The following SRGAP3 variants were observed in gnomAD, a reference collection of about 807,000 sequenced individuals.
SRGAP3 encodes SLIT-ROBO Rho GTPase-activating protein 3.
In SRGAP3, 39 loss-of-function variants were observed where a neutral mutation model predicts 121.1. The observed-to-expected ratio is 0.32, with a 90% confidence interval of 0.25 to 0.42. The LOEUF is 0.42. SRGAP3 is among the 10% of genes least tolerant of loss of function. The probability of loss-of-function intolerance (pLI) is 1.00; values close to 1 mark genes in which losing one functional copy is unlikely to be tolerated. For missense variants in SRGAP3, 1,213 were observed against 1,470.6 expected (o/e 0.82, Z 2.86); for synonymous variants, 601 against 570.0 (o/e 1.05, Z -0.77).
rs566089149 is a variant in SRGAP3, at chr3:8,990,680, G to A, written c.2718C>T (p.Ile906=). 19 of 1,613,558 alleles carry A rather than the reference G, an allele frequency of 1.2e-5. No homozygotes were observed. Among genetic ancestry groups the A allele is most frequent in the African/African-American group, 6.7e-5 (5 of 75,052 alleles). The part of the protein sequence containing the change: ...PHKIPLTRGR[I]ESPEKRRMAT... Reference sequence around the variant, plus strand: ...CCATCCTCCGCTTCTCAGGGCTCTCGATCCTCCCCCGGGTGAGGGGGATTT... The same window carrying A: ...CCATCCTCCGCTTCTCAGGGCTCTCAATCCTCCCCCGGGTGAGGGGGATTT... Residue 906 remains isoleucine (I), a synonymous_variant, in exon 21 of 22, where the codon ATC becomes ATT. Transcript: ENST00000383836.
chr3:9,303,521 A>G (rs1466896191), intron 3 of SRGAP3, among the ~76,000 whole-genome samples: 4 of 152,176 alleles, frequency 2.6e-5, no homozygotes, highest in Non-Finnish European at 5.9e-5. Context: ...CTACACCTAT[A>G]TAGAGATCTC....
At chr3:9,258,608 C>T (rs1016677771) in intron 3 of SRGAP3, among the ~76,000 whole-genome samples, 21 of 152,286 alleles carry the variant, frequency 1.4e-4, no homozygotes, top group Middle Eastern at 3.4e-3. Flanking sequence ...GATGATGCCA[C>T]GTACCATCAT....
chr3:9,341,667 G>C (rs1384745530), intron 1 of SRGAP3, among the ~76,000 whole-genome samples: 1 of 152,122 alleles, frequency 6.6e-6, no homozygotes. Context: ...TTGTTTGTTT[G>C]TTTGTTTGCG....
At chr3:9,303,966 G>A (rs1310873299) in intron 3 of SRGAP3, among the ~76,000 whole-genome samples, 1 of 152,172 alleles carries the variant, frequency 6.6e-6, no homozygotes, top group Non-Finnish European at 1.5e-5. Context: ...CTCCTGAACT[G>A]AGTGTACAAC....
intron 1 of SRGAP3, among the ~76,000 whole-genome samples, chr3:9,345,802 AAAG>A (rs1161148851): frequency 6.6e-6 from 1 of 151,082 alleles, no homozygotes; most frequent in Non-Finnish European, 1.5e-5. Flanking sequence ...AAAAAAAAAA[AAAG>A]AAAAGAAAAA....
At chr3:9,075,250 G>A (rs1238909427) in intron 4 of SRGAP3, among the ~76,000 whole-genome samples, 1 of 152,162 alleles carries the variant, frequency 6.6e-6, no homozygotes, top group African/African-American at 2.4e-5. Flanking sequence ...GAGTTCGAGG[G>A]AAAAGAAGTG....
chr3:8,990,923 C>T, intron 20 of SRGAP3, 84 bp from the exon 21 acceptor site: 1 of 1,206,712 alleles, frequency 8.3e-7, no homozygotes. Context: ...CCCCATGCCA[C>T]ACACTACACG....
At position 9,100,264 on chromosome 3, in the gene SRGAP3, G is replaced by A. The variant is rs573458962; in HGVS notation, c.423+4416C>T. ...ACCCACTGGCTCTTACCTTTCTCCAGACCCTGAACTCCCAACCTCCTTTCC... is the reference window on the plus strand; with the variant it reads ...ACCCACTGGCTCTTACCTTTCTCCAAACCCTGAACTCCCAACCTCCTTTCC... On this transcript the variant is annotated intron_variant, in intron 3 of 21. Coordinates refer to ENST00000383836, the MANE Select transcript of SRGAP3 (RefSeq NM_014850.4). 3.9e-5 allele frequency among the ~76,000 whole-genome samples: 6 copies of A among 152,214 alleles called. No homozygotes were observed. The East Asian group carries it at 1.2e-3, about 29-fold the overall frequency.
At chr3:9,204,972 T>C (rs540980748) in intron 1 of SRGAP3, among the ~76,000 whole-genome samples, 18 of 152,366 alleles carry the variant, frequency 1.2e-4, no homozygotes, top group Admixed American at 1.2e-3. Flanking sequence ...TAAGCTTCCA[T>C]GGGCCATAAA....
intron 15 of SRGAP3, 66 bp from the exon 16 acceptor site, chr3:9,013,908 T>A: frequency 6.8e-7 from 1 of 1,464,574 alleles, no homozygotes; most frequent in South Asian, 1.1e-5. Context: ...AAACATTCGC[T>A]CGCCACATCT....
Position 9,013,400 on chromosome 3 carries a change from G to A in SRGAP3, c.2055C>T (p.Thr685=), listed in dbSNP as rs775890278. Residue 685 remains threonine, a synonymous_variant, in exon 17 of 22, where the codon ACC becomes ACT. Transcript: ENST00000383836. ...AGATGGCTTCATGATGGATGATGAT[G>A]GTTTTGATGACTTCATTGATGTGTG... The part of the protein sequence containing the change: ...CQAHINEVIK[T]IIIHHEAIFP... 11 of 1,614,122 alleles carry A rather than the reference G, an allele frequency of 6.8e-6. No homozygotes were observed. The highest frequency in any genetic ancestry group is 9.3e-6 in the Non-Finnish European group (11 of 1,180,022).
intron 1 of SRGAP3, among the ~76,000 whole-genome samples, chr3:9,336,770 T>A (rs1220575146): frequency 6.6e-6 from 1 of 152,142 alleles, no homozygotes; most frequent in African/African-American, 2.4e-5. Context: ...AGTCTTACTT[T>A]AAACAGCCTT....
At chr3:9,155,440 A>T (rs1560288182) in intron 1 of SRGAP3, among the ~76,000 whole-genome samples, 1 of 152,164 alleles carries the variant, frequency 6.6e-6, no homozygotes, top group Non-Finnish European at 1.5e-5. Context: ...TTCTTCAATT[A>T]TGGGAAAATC....
intron 1 of SRGAP3, among the ~76,000 whole-genome samples, chr3:9,181,704 G>C (rs762364578): frequency 1.3e-5 from 2 of 152,144 alleles, no homozygotes; most frequent in African/African-American, 4.8e-5. Context: ...CGCTCTTCTG[G>C]CTCCAGCCAG....
At position 8,981,694 on chromosome 3, in the gene SRGAP3, C is replaced by T. The variant is rs1478904459; in HGVS notation, c.*3825G>A. The T allele has an allele frequency of 1.3e-5, 3 of 231,118 alleles. No individual in the cohort carries two copies. Among genetic ancestry groups the T allele is most frequent in the African/African-American group, 2.2e-5 (1 of 45,184 alleles). 14.3% of individuals were successfully genotyped at this position (231,118 alleles called of 1,614,324 possible). On this transcript the variant is annotated 3_prime_UTR_variant, in exon 22 of 22. Transcript: ENST00000383836. ...TGGTTCCTCTTTGTGTACCACAAACCGGTTTTAAATGTTTATAAGGCAGAT... is the reference window on the plus strand; with the variant it reads ...TGGTTCCTCTTTGTGTACCACAAACTGGTTTTAAATGTTTATAAGGCAGAT...
In SRGAP3 at chr3:8,992,920, C is replaced by T. The variant is rs142852915; in HGVS notation, c.2544G>A (p.Gly848=). Residue 848 remains glycine (G), a synonymous_variant, in exon 20 of 22, where the codon GGG becomes GGA. Transcript: ENST00000383836. ...PTEHISDYGF[G]GVMGRVRLRS... ...GCATATCCTACCGGCCCATCACCCC[C>T]CCAAAGCCGTAATCCGAGATGTGCT... 5 of 1,614,224 alleles carry T rather than the reference C, an allele frequency of 3.1e-6. No homozygotes were observed. The South Asian group carries it at 3.3e-5, about 11-fold the overall frequency.
At chr3:9,353,213 T>C (rs868224850) in intron 1 of SRGAP3, among the ~76,000 whole-genome samples, 69 of 152,366 alleles carry the variant, frequency 4.5e-4, no homozygotes, top group African/African-American at 1.6e-3. Context: ...GTCAGTGCTC[T>C]TTTCGTTCCT....
rs190398793 is a variant in SRGAP3, at chr3:9,191,651, A to G, written c.67+57234T>C. ...AGGCAGAGTCATGAATGTGCAAGCT[A>G]AATAATATGGCTGGAATGTGGGAGA... On this transcript the variant is annotated intron_variant, in intron 1 of 21. Coordinates refer to ENST00000383836, the MANE Select transcript of SRGAP3 (RefSeq NM_014850.4). 7.9e-5 allele frequency among the ~76,000 whole-genome samples: 12 copies of G among 152,316 alleles called. No individual in the cohort carries two copies. The East Asian group carries it at 2.3e-3, about 29-fold the overall frequency.
intron 1 of SRGAP3, among the ~76,000 whole-genome samples, chr3:9,179,211 C>G (rs535061830): frequency 6.6e-6 from 1 of 152,302 alleles, no homozygotes; most frequent in East Asian, 1.9e-4. Context: ...CTTCCTACTG[C>G]CTTGTGTAAT....
Sources: allele counts gnomAD v4.1 joint callset (sites outside exome capture counted in the v4.1 genomes callset), GRCh38; gene constraint gnomAD v4.1.1; transcripts MANE v1.5; gene names NCBI Gene and HGNC (gene_info 2026-07-23, HGNC 2026-07-21).